SLC39A11: variants seen among roughly 807,000 people sequenced by gnomAD.
The protein encoded by SLC39A11 is zinc transporter ZIP11.
SLC39A11 carries 33 observed loss-of-function variants against 36.1 expected under a neutral mutation model. The observed-to-expected ratio is 0.91, with a 90% CI of 0.69 to 1.22. SLC39A11 has a LOEUF of 1.22. Ranked by LOEUF, SLC39A11 falls within the 50% of genes most tolerant of loss-of-function variation. The probability of loss-of-function intolerance (pLI) is 0.00; values close to 1 mark genes in which losing one functional copy is unlikely to be tolerated. For missense variants in SLC39A11, 432 were observed against 430.3 expected, an observed-to-expected ratio of 1.00 and a Z score of -0.03; for synonymous variants, 166 against 170.3, an observed-to-expected ratio of 0.97 and a Z score of 0.20.
intron 5 of SLC39A11, among the ~76,000 whole-genome samples, chr17:72,914,867 C>CATAAATAAATAAATAAATAAATAAATAA (rs374560040): frequency 0.071 from 10,597 of 148,482 alleles, 523 homozygotes; most frequent in Non-Finnish European, 0.11. Context: ...GACTCTGTCT[C>CATAAATAAATAAATAAATAAATAAATAA]ATAAATAAAT....
chr17:72,660,676 C>T (rs916005416), intron 7 of SLC39A11, among the ~76,000 whole-genome samples: 2 of 152,144 alleles, frequency 1.3e-5, no homozygotes, highest in Non-Finnish European at 2.9e-5. Flanking sequence ...CAGGGGGTTT[C>T]GAGCCAGAGA....
chr17:72,935,911 T>C (rs2084713784), intron 5 of SLC39A11, among the ~76,000 whole-genome samples: 1 of 151,226 alleles, frequency 6.6e-6, no homozygotes, highest in Non-Finnish European at 1.5e-5. Flanking sequence ...GAAATGGCCA[T>C]GAAGGCTGGG....
chr17:72,998,785 G>A (rs1339606746), intron 4 of SLC39A11, among the ~76,000 whole-genome samples: 1 of 152,162 alleles, frequency 6.6e-6, no homozygotes, highest in Non-Finnish European at 1.5e-5. Context: ...TGAACTCTGG[G>A]GGTCCCCGCT....
intron 7 of SLC39A11, among the ~76,000 whole-genome samples, chr17:72,729,288 G>C (rs76367461): frequency 0.1 from 14,649 of 146,390 alleles, 851 homozygotes; most frequent in Non-Finnish European, 0.12. Context: ...CCAGGATGGA[G>C]TGCAGTGGCA....
At chr17:73,010,654 G>A (rs56964679) in intron 4 of SLC39A11, among the ~76,000 whole-genome samples, 2 of 152,140 alleles carry the variant, frequency 1.3e-5, no homozygotes, top group African/African-American at 2.4e-5. Flanking sequence ...AAAAATGCTT[G>A]TAGTAAATGG....
At chr17:72,941,809 C>A (rs751879011) in intron 5 of SLC39A11, among the ~76,000 whole-genome samples, 1 of 151,988 alleles carries the variant, frequency 6.6e-6, no homozygotes, top group East Asian at 1.9e-4. Flanking sequence ...GAGCCCTTTG[C>A]CCTCCTGCAA....
At chr17:72,965,959 A>G (rs2147982809) in intron 4 of SLC39A11, among the ~76,000 whole-genome samples, 1 of 152,360 alleles carries the variant, frequency 6.6e-6, no homozygotes, top group East Asian at 1.9e-4. Context: ...AGAAAAAAAG[A>G]CACCAACTCC....
intron 4 of SLC39A11, among the ~76,000 whole-genome samples, chr17:73,018,556 A>C (rs901862897): frequency 1.3e-5 from 2 of 152,134 alleles, no homozygotes; most frequent in Admixed American, 6.5e-5. Flanking sequence ...ACAAAAAAAA[A>C]CAATAAAGTA....
At chr17:72,941,168 G>A (rs1398109342) in intron 5 of SLC39A11, among the ~76,000 whole-genome samples, 1 of 152,202 alleles carries the variant, frequency 6.6e-6, no homozygotes, top group Non-Finnish European at 1.5e-5. Flanking sequence ...AGCTACTCCG[G>A]GGGCTGAGGT....
intron 4 of SLC39A11, chr17:72,992,866 G>GA (rs140949569): frequency 0.024 from 3,584 of 152,396 alleles, 52 homozygotes; most frequent in Non-Finnish European, 0.027. Context: ...AATTTATAAA[G>GA]AAAAAAGAGG....
intron 7 of SLC39A11, among the ~76,000 whole-genome samples, chr17:72,661,307 T>C (rs1036874950): frequency 1.3e-5 from 2 of 151,582 alleles, no homozygotes; most frequent in African/African-American, 2.4e-5. Context: ...TGGGGTGTAG[T>C]TCTGGGGTTC....
intron 6 of SLC39A11, among the ~76,000 whole-genome samples, chr17:72,820,366 G>C (rs2077728101): frequency 1.3e-5 from 2 of 151,228 alleles, no homozygotes; most frequent in African/African-American, 4.8e-5. Context: ...ATTTGTAGCT[G>C]TCTTAAGCAA....
intron 4 of SLC39A11, among the ~76,000 whole-genome samples, chr17:73,006,302 C>T (rs919839022): frequency 6.6e-6 from 1 of 152,144 alleles, no homozygotes; most frequent in Admixed American, 6.5e-5. Context: ...AACATGAGAA[C>T]ACAAAACAAA....
rs750808481 is a variant in SLC39A11, at chr17:73,084,852, A to G, written c.109-6T>C. The stretch of plus-strand genomic sequence containing the variant: ...CTTCCATCTAAGATCCGCCTCTGAA[A>G]ATCAAAACAAGATGTTTCAGTTTCC... On this transcript the variant is annotated splice_polypyrimidine_tract_variant and splice_region_variant and intron_variant, in intron 2 of 9. Transcript: ENST00000255559. The G allele has an allele frequency of 6.2e-7, 1 of 1,614,140 alleles. No individual in the cohort carries two copies. Among genetic ancestry groups the G allele is most frequent in the East Asian group, 2.2e-5 (1 of 44,876 alleles).
chr17:72,948,508 G>A (rs1598541184), intron 4 of SLC39A11, among the ~76,000 whole-genome samples: 1 of 152,190 alleles, frequency 6.6e-6, no homozygotes, highest in African/African-American at 2.4e-5. Context: ...CAGGAACCAC[G>A]GTCAACTTAT....
chr17:72,724,456 G>C (rs1161906521), intron 7 of SLC39A11, among the ~76,000 whole-genome samples: 10 of 152,124 alleles, frequency 6.6e-5, no homozygotes, highest in African/African-American at 1.2e-4. Context: ...CGGTGGGGGG[G>C]AGTGAGCTTC....
chr17:72,896,086 G>A (rs900127491), intron 5 of SLC39A11, among the ~76,000 whole-genome samples: 1 of 149,360 alleles, frequency 6.7e-6, no homozygotes, highest in Non-Finnish European at 1.5e-5. Flanking sequence ...CGGCATTCTG[G>A]TTATATGATT....
At chr17:72,845,507 C>G (rs1447455251) in intron 6 of SLC39A11, among the ~76,000 whole-genome samples, 1 of 152,212 alleles carries the variant, frequency 6.6e-6, no homozygotes, top group African/African-American at 2.4e-5. Flanking sequence ...CCTACCTACT[C>G]TATTTAAAAT....
intron 7 of SLC39A11, among the ~76,000 whole-genome samples, chr17:72,673,876 T>C (rs2071132902): frequency 6.6e-6 from 1 of 152,032 alleles, no homozygotes; most frequent in African/African-American, 2.4e-5. Flanking sequence ...AAGATGAGCC[T>C]GGCCAACATA....
Sources: gnomAD v4.1 joint callset for allele counts (sites outside exome capture counted in the v4.1 genomes callset) on GRCh38, gnomAD v4.1.1 for gene constraint, MANE v1.5 for transcripts, NCBI Gene and HGNC (gene_info 2026-07-23, HGNC 2026-07-21) for gene names.